LDHAL6A: variants seen among roughly 807,000 people sequenced by gnomAD.
The protein encoded by LDHAL6A is lactate dehydrogenase A like 6A.
LDHAL6A carries 19 observed loss-of-function variants against 28.2 expected under a neutral mutation model. That is an observed-to-expected ratio of 0.67 (90% CI 0.47 to 0.99). The LOEUF (loss-of-function observed/expected upper bound fraction) is 0.99, where lower values mean the gene tolerates loss of function less well. LDHAL6A is among the 50% of genes least tolerant of loss of function. The pLI is 0.00. For missense variants in LDHAL6A, 372 were observed against 398.6 expected (o/e 0.93, Z 0.57); for synonymous variants, 144 against 134.4 (o/e 1.07, Z -0.49).
At chr11:18,462,361 G>C (rs1848934323) in intron 1 of LDHAL6A, among the ~76,000 whole-genome samples, 1 of 151,966 alleles carries the variant, frequency 6.6e-6, no homozygotes, top group Admixed American at 6.6e-5. Flanking sequence ...AAATTGGCCG[G>C]GTGCGGTGTC....
Position 18,465,688 on chromosome 11 carries a change from G to A in LDHAL6A, c.296G>A (p.Arg99His), listed in dbSNP as rs1250739566. Residue 99 changes from arginine (R) to histidine (H), a missense_variant, in exon 3 of 7, where the codon CGC (arginine) becomes CAC (histidine). Physicochemically the swap from Arg to His is conservative, Grantham distance 29. This residue lies in a region of LDHAL6A where 291 missense variants were observed against 302.9 expected (regional missense o/e 0.96). Coordinates refer to ENST00000280706, the MANE Select transcript of LDHAL6A (RefSeq NM_144972.5). ...SNLVIITAGA[R>H]QKKGETRLDL... ...CTAGTGATTATCACAGCAGGTGCAC[G>A]CCAGAAAAAAGGAGAAACACGCCTT... 7.4e-6 allele frequency: 12 copies of A among 1,613,766 alleles called. No individual in the cohort carries two copies. Among genetic ancestry groups the A allele is most frequent in the African/African-American group, 6.7e-5 (5 of 74,844 alleles).
chr11:18,465,029 A>G (rs1366899982), intron 2 of LDHAL6A, among the ~76,000 whole-genome samples: 2 of 135,658 alleles, frequency 1.5e-5, no homozygotes, highest in African/African-American at 5.9e-5. Flanking sequence ...GTGTCTTGCT[A>G]TGTTGGTGCA....
intron 2 of LDHAL6A, among the ~76,000 whole-genome samples, chr11:18,464,847 CA>C (rs1849006560): frequency 6.6e-6 from 1 of 152,074 alleles, no homozygotes; most frequent in Non-Finnish European, 1.5e-5. Flanking sequence ...ACGAATGAAC[CA>C]ACAATTTGCT....
chr11:18,472,004 T>C (rs1001813485), intron 3 of LDHAL6A, among the ~76,000 whole-genome samples: 2 of 151,960 alleles, frequency 1.3e-5, no homozygotes, highest in African/African-American at 4.8e-5. Context: ...ACCTAAACAA[T>C]TGAAGATCAA....
At chr11:18,456,941 C>CT (rs1848774888) in intron 1 of LDHAL6A, 135 bp downstream of exon 1, 10 of 845,754 alleles carry the variant, frequency 1.2e-5, no homozygotes, top group East Asian at 2.9e-5. Flanking sequence ...AAAAGGTGCC[C>CT]TTTTTTTAGT....
At chr11:18,462,312 C>A (rs922136973) in intron 1 of LDHAL6A, among the ~76,000 whole-genome samples, 14 of 151,888 alleles carry the variant, frequency 9.2e-5, no homozygotes, top group Non-Finnish European at 1.9e-4. Context: ...ACCAGCCTGG[C>A]CAACATGGTG....
rs187025060 is a variant in LDHAL6A, at chr11:18,465,487, T to C, written c.245-150T>C. On this transcript the variant is annotated intron_variant, in intron 2 of 6. Transcript: ENST00000280706. ...CAAGGGAAACTTAGTGCTAATTTCC[T>C]GAAATTAAAAAGTAGTCTAGGCATA... 27 of 469,382 alleles carry C rather than the reference T, an allele frequency of 5.8e-5. No homozygotes were observed. The East Asian group carries it at 7.4e-4, about 13-fold the overall frequency. The allele number at this position is 469,382 out of a possible 1,614,324, so 29.1% of individuals were successfully genotyped here.
intron 3 of LDHAL6A, among the ~76,000 whole-genome samples, chr11:18,466,301 G>A (rs1386052746): frequency 6.6e-6 from 1 of 152,100 alleles, no homozygotes; most frequent in African/African-American, 2.4e-5. Context: ...TGTTTTGTTA[G>A]TGTAATATGT....
At chr11:18,476,281 G>A in intron 4 of LDHAL6A, 103 bp from the exon 5 acceptor site, 1 of 1,337,934 alleles carries the variant, frequency 7.5e-7, no homozygotes, top group Non-Finnish European at 1.0e-6. Context: ...AACATTCCTA[G>A]TTGGAAATCA....
chr11:18,474,209 G>A (rs1849313512), intron 3 of LDHAL6A, among the ~76,000 whole-genome samples: 1 of 150,886 alleles, frequency 6.6e-6, no homozygotes, highest in Admixed American at 6.6e-5. Flanking sequence ...CTCCCAAGTA[G>A]CTGGGATTAC....
rs1230162522 is a variant in LDHAL6A, at chr11:18,456,589, G to T, written c.-92G>T. On this transcript the variant is annotated 5_prime_UTR_variant, in exon 1 of 7. Transcript: ENST00000280706. ...ACGGGCCCAGGAGTTCTCTATACGC[G>T]CTCTCACCGCAGGTCTTGGAATTCC... 1.7e-6 allele frequency: 2 copies of T among 1,180,916 alleles called. No individual in the cohort carries two copies. Among genetic ancestry groups the T allele is most frequent in the Non-Finnish European group, 2.5e-6 (2 of 804,562 alleles). 73.2% of individuals were successfully genotyped at this position (1,180,916 alleles called of 1,614,324 possible). A position where few individuals can be genotyped will look rare whatever the true frequency, so the allele number is the denominator to read the frequency against.
intron 3 of LDHAL6A, among the ~76,000 whole-genome samples, chr11:18,466,061 G>A (rs1849063922): frequency 6.6e-6 from 1 of 152,110 alleles, no homozygotes; most frequent in South Asian, 2.1e-4. Flanking sequence ...CACTTATAGT[G>A]AGAACATGTA....
chr11:18,464,984 T>TG (rs1277263193), intron 2 of LDHAL6A, among the ~76,000 whole-genome samples: 4 of 128,794 alleles, frequency 3.1e-5, no homozygotes, highest in Admixed American at 2.3e-4. Context: ...TTTGTTTTTT[T>TG]TTGTTTTGTT....
Position 18,468,796 on chromosome 11 carries a change from A to G in LDHAL6A, c.418+2986A>G, listed in dbSNP as rs189365675. 1.5e-3 allele frequency: 238 copies of G among 158,854 alleles called. 1 individual carries two copies. The highest frequency in any genetic ancestry group is 5.0e-3 in the African/African-American group (210 of 41,812). 9.8% of individuals were successfully genotyped at this position (158,854 alleles called of 1,614,324 possible). On this transcript the variant is annotated intron_variant, in intron 3 of 6. Transcript: ENST00000280706. Reference sequence around the variant, plus strand: ...AGTTTGAGGCTGTTTTTTCTTTTTTAAAATAGTTCATAGATTATCAAAAGT... The same window carrying G: ...AGTTTGAGGCTGTTTTTTCTTTTTTGAAATAGTTCATAGATTATCAAAAGT...
In LDHAL6A at chr11:18,467,878, C is replaced by CATAT. The variant is rs1341771007; in HGVS notation, c.418+2069_418+2070insTATA. On this transcript the variant is annotated intron_variant, in intron 3 of 6. Transcript: ENST00000280706. ...CTCAAAAAAAATATATATATATACA[C>CATAT]ACATATATATATATATATATATATA... 2.8e-3 allele frequency among the ~76,000 whole-genome samples: 103 copies of CATAT among 36,290 alleles called. 1 individual carries two copies. The highest frequency in any genetic ancestry group is 4.7e-3 in the East Asian group (4 of 860). 23.8% of individuals were successfully genotyped at this position (36,290 alleles called of 152,430 possible). A position where few individuals can be genotyped will look rare whatever the true frequency, so the allele number is the denominator to read the frequency against.
chr11:18,462,553 C>T (rs571089686), intron 1 of LDHAL6A, among the ~76,000 whole-genome samples: 4 of 150,670 alleles, frequency 2.7e-5, no homozygotes, highest in South Asian at 2.1e-4. Flanking sequence ...AGGAGAATGG[C>T]GTGAACCTGG....
At chr11:18,468,989 C>T (rs764430947) in intron 3 of LDHAL6A, 3 of 391,904 alleles carry the variant, frequency 7.7e-6, no homozygotes, top group South Asian at 1.3e-4. Flanking sequence ...GGTAGTCCGG[C>T]GCTACAAGGA....
chr11:18,466,288 C>T (rs374328988), intron 3 of LDHAL6A, among the ~76,000 whole-genome samples: 3 of 151,480 alleles, frequency 2.0e-5, no homozygotes, highest in Admixed American at 6.6e-5. Flanking sequence ...ATTCCAGAAT[C>T]TCTGTTTTGT....
In LDHAL6A at chr11:18,475,615, C is replaced by T. The variant is rs1434925402; in HGVS notation, c.568C>T (p.Leu190Phe). 1 of 1,613,608 alleles carries T rather than the reference C, an allele frequency of 6.2e-7. No individual in the cohort carries two copies. Among genetic ancestry groups the T allele is most frequent in the Admixed American group, 1.7e-5 (1 of 59,902 alleles). The change falls in exon 4 of 7, where the codon CTT becomes TTT. Residue 190 changes from leucine to phenylalanine, a missense_variant. Around this residue, in one of 3 missense-constraint regions of LDHAL6A, gnomAD observed 291 missense variants for 302.9 expected, o/e 0.96. Coordinates refer to ENST00000280706, the MANE Select transcript of LDHAL6A (RefSeq NM_144972.5). ...IHSESCHGLI[L>F]GEHGDSSVPV... ...CTCTGAAAGCTGTCATGGGCTGATC[C>T]TTGGAGAGCATGGCGACTCAAGTGG...
Sources: allele counts gnomAD v4.1 joint callset (sites outside exome capture counted in the v4.1 genomes callset), GRCh38; gene constraint gnomAD v4.1.1; regional missense constraint gnomAD v4.1.1; transcripts MANE v1.5; gene names NCBI Gene and HGNC (gene_info 2026-07-23, HGNC 2026-07-21).